Variants in MCMBP observed in about 807,000 individuals in gnomAD.
The protein encoded by MCMBP is minichromosome maintenance complex binding protein.
MCMBP carries 31 observed loss-of-function variants against 81.3 expected under a neutral mutation model. The observed-to-expected ratio is 0.38, with a 90% confidence interval of 0.29 to 0.51. MCMBP has a LOEUF of 0.51. MCMBP is among the 20% of genes least tolerant of loss of function. The pLI, the probability that MCMBP is intolerant of heterozygous loss-of-function variation, is 0.87. For synonymous variants in MCMBP, 267 were observed against 275.9 expected (o/e 0.97, Z 0.32); for missense variants, 645 against 772.1 (o/e 0.84, Z 1.95).
chr10:119,849,712 A>C, intron 6 of MCMBP, 136 bp from the exon 7 acceptor site: 1 of 690,578 alleles, frequency 1.4e-6, no homozygotes, highest in Non-Finnish European at 2.3e-6. Flanking sequence ...ACAGTTTTTA[A>C]GGAAACAGCA....
At chr10:119,867,407 A>G (rs967105063) in intron 1 of MCMBP, among the ~76,000 whole-genome samples, 6 of 150,450 alleles carry the variant, frequency 4.0e-5, no homozygotes, top group African/African-American at 1.5e-4. Flanking sequence ...GTAAGTTATT[A>G]TAACTTAAAA....
At chr10:119,847,925 A>G (rs1852673767) in intron 7 of MCMBP, among the ~76,000 whole-genome samples, 1 of 152,028 alleles carries the variant, frequency 6.6e-6, no homozygotes, top group Admixed American at 6.6e-5. Context: ...TAACTTCCAG[A>G]CTAATGTCTG....
intron 14 of MCMBP, 43 bp from the exon 15 acceptor site, chr10:119,832,143 GGAAAA>G: frequency 6.4e-7 from 1 of 1,566,130 alleles, no homozygotes; most frequent in Non-Finnish European, 8.7e-7. Context: ...ATTTTTGTAA[GGAAAA>G]GAAAATTAAC....
At chr10:119,863,481 C>A (rs2134399727) in intron 1 of MCMBP, among the ~76,000 whole-genome samples, 1 of 152,126 alleles carries the variant, frequency 6.6e-6, no homozygotes, top group South Asian at 2.1e-4. Flanking sequence ...CCTGTAATCC[C>A]AGCACTTTGG....
chr10:119,833,914 TA>T (rs1339203241), intron 14 of MCMBP, among the ~76,000 whole-genome samples: 1 of 152,138 alleles, frequency 6.6e-6, no homozygotes, highest in Non-Finnish European at 1.5e-5. Flanking sequence ...AATAATTTTT[TA>T]GAAGAAGGAA....
In MCMBP at chr10:119,837,110, C is replaced by G. The variant is rs1272883872; in HGVS notation, c.1409-81G>C. ...AGTTTTGCTGACACCGATGATGAGC[C>G]ATGAAGTTTCTACCACTTTTAATAA... On this transcript the variant is annotated intron_variant, in intron 12 of 15. Transcript: ENST00000369077. 6 of 1,419,182 alleles carry G rather than the reference C, an allele frequency of 4.2e-6. No homozygotes were observed. In the East Asian group the frequency reaches 9.3e-5, roughly 22 times the overall value. 87.9% of individuals were successfully genotyped at this position (1,419,182 alleles called of 1,614,324 possible). A position where few individuals can be genotyped will look rare whatever the true frequency, so the allele number is the denominator to read the frequency against.
At chr10:119,835,407 G>GT (rs1852203462) in intron 14 of MCMBP, 133 bp downstream of exon 14, 1 of 786,818 alleles carries the variant, frequency 1.3e-6, no homozygotes. Context: ...CAATAATGGA[G>GT]TAACAGAGGA....
rs1852211754 is a variant in MCMBP at position 119,835,582 on chromosome 10, A to T, written c.1665T>A (p.Leu555=). 6.2e-7 allele frequency: 1 copy of T among 1,614,094 alleles called. No individual in the cohort carries two copies. ...VLNKFRIYLT[L]LRFLEYSISD... is the part of the protein sequence containing the mutation. ...ATATGCTATATTCCAAGAATCTCAA[A>T]AGAGTTAGATAAATGCGGAATTTGT... The change falls in exon 14 of 16, where the codon CTT becomes CTA. Residue 555 remains leucine (L), a synonymous_variant. Transcript: ENST00000369077.
At chr10:119,848,521 G>A (rs1047378733) in intron 7 of MCMBP, among the ~76,000 whole-genome samples, 5 of 152,122 alleles carry the variant, frequency 3.3e-5, no homozygotes, top group Non-Finnish European at 5.9e-5. Context: ...GCTGAGGCAC[G>A]AGAATTGCCT....
chr10:119,869,611 G>T (rs980864159), intron 1 of MCMBP, among the ~76,000 whole-genome samples: 2 of 151,868 alleles, frequency 1.3e-5, no homozygotes, highest in African/African-American at 4.8e-5. Flanking sequence ...GCAGGCACTT[G>T]TAATCCCAGC....
chr10:119,851,725 A>G (rs1564879907), intron 6 of MCMBP, among the ~76,000 whole-genome samples: 1 of 152,228 alleles, frequency 6.6e-6, no homozygotes, highest in Non-Finnish European at 1.5e-5. Flanking sequence ...ATGTATTTAT[A>G]GTAAAACATT....
At position 119,829,956 on chromosome 10, in the gene MCMBP, A is replaced by G. The variant is rs919899570; in HGVS notation, c.*1518T>C. The G allele has an allele frequency of 3.3e-5, 5 of 152,660 alleles. No homozygotes were observed. Among genetic ancestry groups the G allele is most frequent in the African/African-American group, 1.2e-4 (5 of 41,474 alleles). The allele number at this position is 152,660 out of a possible 1,614,324, so 9.5% of individuals were successfully genotyped here. A position where few individuals can be genotyped will look rare whatever the true frequency, so the allele number is the denominator to read the frequency against. On this transcript the variant is annotated 3_prime_UTR_variant, in exon 16 of 16. Transcript: ENST00000369077. ...GCTCTAGGACAATTAAAGAAAATGT[A>G]TTTTATCCTCACAAATCCAGTGAAG...
At chr10:119,852,152 CAAAAAAAAAAAA>C (rs34142128) in intron 6 of MCMBP, among the ~76,000 whole-genome samples, 26 of 53,092 alleles carry the variant, frequency 4.9e-4, no homozygotes, top group Non-Finnish European at 7.7e-4. Context: ...AACTCTGTCT[CAAAAAAAAAAAA>C]AAAAAAAAAA....
chr10:119,832,398 GTC>G (rs1432898162), intron 14 of MCMBP, among the ~76,000 whole-genome samples: 1 of 152,178 alleles, frequency 6.6e-6, no homozygotes, highest in Non-Finnish European at 1.5e-5. Flanking sequence ...GCAGAAAACT[GTC>G]TCTACTGTTA....
At chr10:119,841,030 T>C (rs1193735458) in intron 10 of MCMBP, 70 bp from the exon 11 acceptor site, 18 of 879,008 alleles carry the variant, frequency 2.0e-5, no homozygotes, top group Admixed American at 6.4e-5. Context: ...TAGCGAAGAA[T>C]AGAAAAATTA....
At chr10:119,841,855 G>A (rs1346280620) in intron 10 of MCMBP, among the ~76,000 whole-genome samples, 1 of 152,226 alleles carries the variant, frequency 6.6e-6, no homozygotes, top group Non-Finnish European at 1.5e-5. Flanking sequence ...TATAAACAGA[G>A]CGTTCAGAAT....
At chr10:119,831,893 G>A (rs1157243406) in intron 15 of MCMBP, 119 bp downstream of exon 15, 4 of 1,070,822 alleles carry the variant, frequency 3.7e-6, no homozygotes, top group Admixed American at 5.0e-5. Context: ...TTCATACAGC[G>A]TTTTTAAAAG....
At chr10:119,869,482 G>C (rs569051270) in intron 1 of MCMBP, among the ~76,000 whole-genome samples, 3 of 150,754 alleles carry the variant, frequency 2.0e-5, no homozygotes, top group South Asian at 4.2e-4. Flanking sequence ...TGAGGCAGGA[G>C]AATCACTTGA....
At position 119,835,229 on chromosome 10, in the gene MCMBP, A is replaced by AT. The variant is rs575753215; in HGVS notation, c.1707+310dup. On this transcript the variant is annotated intron_variant, in intron 14 of 15. Coordinates refer to ENST00000369077, the MANE Select transcript of MCMBP (RefSeq NM_001256378.2). ...AATTAAAATGGCATTAGCCACACAA[A>AT]TTTTTTTTAAATTAAAAATAACTAA... Among the ~76,000 whole-genome samples the AT allele has an allele frequency of 8.3e-4, 127 of 152,196 alleles. 1 individual carries two copies. Among genetic ancestry groups the AT allele is most frequent in the Non-Finnish European group, 2.9e-4 (20 of 67,990 alleles).
Sources: allele counts gnomAD v4.1 joint callset (sites outside exome capture counted in the v4.1 genomes callset), GRCh38; gene constraint gnomAD v4.1.1; transcripts MANE v1.5; gene names NCBI Gene and HGNC (gene_info 2026-07-23, HGNC 2026-07-21).